PLAG1: variants seen among roughly 807,000 people sequenced by gnomAD.
PLAG1 encodes zinc finger protein PLAG1.
In PLAG1, 7 loss-of-function variants were observed where a neutral mutation model predicts 35.5. The ratio of observed to expected loss-of-function variants is 0.20; its 90% CI spans 0.11 to 0.37. The LOEUF (loss-of-function observed/expected upper bound fraction) is 0.37, where lower values mean the gene tolerates loss of function less well. PLAG1 is among the 10% of genes least tolerant of loss of function. The probability of loss-of-function intolerance (pLI) is 1.00; values close to 1 mark genes in which losing one functional copy is unlikely to be tolerated. For missense variants in PLAG1, 454 were observed against 602.8 expected, an observed-to-expected ratio of 0.75 and a Z score of 2.58; for synonymous variants, 229 against 225.4, an observed-to-expected ratio of 1.02 and a Z score of -0.14.
rs769829087 is a variant in PLAG1, at chr8:56,166,368, T to C, written c.1378A>G (p.Thr460Ala). 6.2e-7 allele frequency: 1 copy of C among 1,613,908 alleles called. No homozygotes were observed. The highest frequency in any genetic ancestry group is 1.7e-5 in the Admixed American group (1 of 60,012). ...HSSVSQLPPQTQDLQDPANTI... is the reference protein window; with the variant it reads ...HSSVSQLPPQAQDLQDPANTI... ...TTTGCAGGATCCTGAAGATCCTGTG[T>C]TTGTGGGGGGAGCTGGGAAACAGAA... Residue 460 changes from threonine to alanine, a missense_variant, in exon 5 of 5, where the codon ACA becomes GCA. Coordinates refer to ENST00000316981, the MANE Select transcript of PLAG1 (RefSeq NM_002655.3).
At position 56,165,011 on chromosome 8, in the gene PLAG1, G is replaced by C. The variant is rs1439202878; in HGVS notation, c.*1232C>G. ...AATTCTCCATCCAAAATATTGCAAGGAAAGATGGATTCACATTGAATCAGA... is the reference window on the plus strand; with the variant it reads ...AATTCTCCATCCAAAATATTGCAAGCAAAGATGGATTCACATTGAATCAGA... On this transcript the variant is annotated 3_prime_UTR_variant, in exon 5 of 5. Transcript: ENST00000316981. The C allele has an allele frequency of 4.8e-6, 1 of 206,928 alleles. No individual in the cohort carries two copies. The highest frequency in any genetic ancestry group is 9.9e-6 in the Non-Finnish European group (1 of 101,448). The allele number at this position is 206,928 out of a possible 1,614,324, so 12.8% of individuals were successfully genotyped here.
chr8:56,197,101 G>A (rs918737834), intron 1 of PLAG1, among the ~76,000 whole-genome samples: 5 of 151,714 alleles, frequency 3.3e-5, no homozygotes, highest in Admixed American at 6.6e-5. Context: ...TCTCTTCCTC[G>A]CTGGGGGTCT....
chr8:56,167,525 A>C lies in PLAG1; in HGVS notation c.243-22T>G, dbSNP rs369835388. On this transcript the variant is annotated intron_variant, in intron 4 of 4. Transcript: ENST00000316981. The surrounding 1 kb of genome is among the most constrained non-coding windows in gnomAD (Gnocchi z 5.9). ...GTGCCTTTAAACACAGATATAATCT[A>C]TAAGTAGTTATTATGACAAAAATGG... is the stretch of plus-strand genomic sequence containing the variant. 1.3e-6 allele frequency: 2 copies of C among 1,498,160 alleles called. No individual in the cohort carries two copies. The highest frequency in any genetic ancestry group is 1.8e-6 in the Non-Finnish European group (2 of 1,094,724). The allele number at this position is 1,498,160 out of a possible 1,614,324, so 92.8% of individuals were successfully genotyped here.
chr8:56,174,209 T>C (rs935776545), intron 2 of PLAG1, among the ~76,000 whole-genome samples: 4 of 152,148 alleles, frequency 2.6e-5, no homozygotes, highest in African/African-American at 2.4e-5. Flanking sequence ...TTTTTCCATA[T>C]AGAGTAAATA....
At chr8:56,196,040 T>C (rs546748831) in intron 1 of PLAG1, among the ~76,000 whole-genome samples, 9 of 152,062 alleles carry the variant, frequency 5.9e-5, no homozygotes, top group South Asian at 4.2e-4. Flanking sequence ...ACAGGGGAAT[T>C]TGGGGAGCAC....
rs764409723 is a variant in PLAG1, at chr8:56,168,400, T to A, written c.-117-14A>T. The A allele has an allele frequency of 4.8e-6, 6 of 1,245,754 alleles. 1 individual carries two copies. The highest frequency in any genetic ancestry group is 2.6e-5 in the East Asian group (1 of 37,754). 77.2% of individuals were successfully genotyped at this position (1,245,754 alleles called of 1,614,324 possible). A position where few individuals can be genotyped will look rare whatever the true frequency, so the allele number is the denominator to read the frequency against. On this transcript the variant is annotated splice_polypyrimidine_tract_variant and intron_variant, in intron 3 of 4. Coordinates refer to ENST00000316981, the MANE Select transcript of PLAG1 (RefSeq NM_002655.3). ...AGCAAAAAGGGACTGGAAAAAAAAATAAGAAACAACTAGTTTGTAACTAAA... is the reference window on the plus strand; with the variant it reads ...AGCAAAAAGGGACTGGAAAAAAAAAAAAGAAACAACTAGTTTGTAACTAAA...
chr8:56,196,423 A>G (rs1563390894), intron 1 of PLAG1, among the ~76,000 whole-genome samples: 1 of 152,178 alleles, frequency 6.6e-6, no homozygotes, highest in Non-Finnish European at 1.5e-5. Context: ...TACTTCCAGC[A>G]TTTTAATTAG....
At position 56,166,815 on chromosome 8, in the gene PLAG1, A is replaced by G. The variant is rs372344562; in HGVS notation, c.931T>C (p.Leu311=). Residue 311 remains leucine, a synonymous_variant, in exon 5 of 5, where the codon TTA becomes CTA. Coordinates refer to ENST00000316981, the MANE Select transcript of PLAG1 (RefSeq NM_002655.3). ...ATTGGGCATGTCATTCCCAAAGGTA[A>G]AGTTGTGATCATTTGGTGGGCAGAT... ...SGSAHQMITT[L]PLGMTCPIDM... 148 of 1,613,910 alleles carry G rather than the reference A, an allele frequency of 9.2e-5. No homozygotes were observed. Among genetic ancestry groups the G allele is most frequent in the Admixed American group, 9.2e-4 (55 of 59,998 alleles).
At chr8:56,201,022 A>G (rs1225705784) in intron 1 of PLAG1, among the ~76,000 whole-genome samples, 2 of 152,178 alleles carry the variant, frequency 1.3e-5, no homozygotes, top group South Asian at 4.1e-4. Context: ...TTATGTGTTT[A>G]TTATAGGGGA....
At chr8:56,187,281 A>T (rs1812048486) in intron 1 of PLAG1, among the ~76,000 whole-genome samples, 1 of 152,214 alleles carries the variant, frequency 6.6e-6, no homozygotes, top group African/African-American at 2.4e-5. Context: ...TAGTTCTGGA[A>T]ATCACCTTTG....
rs1372896054 is a variant in PLAG1 at position 56,160,912 on chromosome 8, A to G, written c.*5331T>C. On this transcript the variant is annotated 3_prime_UTR_variant, in exon 5 of 5. Coordinates refer to ENST00000316981, the MANE Select transcript of PLAG1 (RefSeq NM_002655.3). ...TTTCAGGAAGATCTACATTATCTAAAGCCATTCTATAATTTTATTCATATA... is the reference window on the plus strand; with the variant it reads ...TTTCAGGAAGATCTACATTATCTAAGGCCATTCTATAATTTTATTCATATA... 2.3e-5 allele frequency: 4 copies of G among 175,108 alleles called. No individual in the cohort carries two copies. The highest frequency in any genetic ancestry group is 3.7e-5 in the Non-Finnish European group (3 of 81,158). The allele number at this position is 175,108 out of a possible 1,614,324, so 10.8% of individuals were successfully genotyped here.
At chr8:56,184,955 A>T (rs113397962) in intron 1 of PLAG1, among the ~76,000 whole-genome samples, 1 of 152,130 alleles carries the variant, frequency 6.6e-6, no homozygotes, top group African/African-American at 2.4e-5. Flanking sequence ...TCAGAAAAAC[A>T]AAAACAAAAA....
At chr8:56,190,347 A>G (rs1016154274) in intron 1 of PLAG1, among the ~76,000 whole-genome samples, 20 of 152,170 alleles carry the variant, frequency 1.3e-4, no homozygotes, top group African/African-American at 4.6e-4. Context: ...GGTCGAAGGT[A>G]TGCCACTGAG....
chr8:56,194,660 T>C (rs1812304556), intron 1 of PLAG1, among the ~76,000 whole-genome samples: 1 of 151,934 alleles, frequency 6.6e-6, no homozygotes. Context: ...TGTGTGTATG[T>C]GGGTGCAGCA....
At chr8:56,198,109 C>T (rs571570950) in intron 1 of PLAG1, among the ~76,000 whole-genome samples, 1 of 152,226 alleles carries the variant, frequency 6.6e-6, no homozygotes, top group Admixed American at 6.5e-5. Context: ...CCTCTAGCTT[C>T]CCTTCACCAC....
At chr8:56,191,882 A>T (rs1024786811) in intron 1 of PLAG1, among the ~76,000 whole-genome samples, 1 of 152,002 alleles carries the variant, frequency 6.6e-6, no homozygotes, top group African/African-American at 2.4e-5. Flanking sequence ...AAATCTACAC[A>T]TATCAAGCAT....
chr8:56,190,168 T>C (rs1283737872), intron 1 of PLAG1, among the ~76,000 whole-genome samples: 2 of 152,154 alleles, frequency 1.3e-5, no homozygotes, highest in Non-Finnish European at 2.9e-5. Flanking sequence ...TGATACTGCA[T>C]GTAAGGCACA....
At chr8:56,178,694 TG>T (rs1393161494) in intron 2 of PLAG1, among the ~76,000 whole-genome samples, 1 of 152,010 alleles carries the variant, frequency 6.6e-6, no homozygotes, top group Non-Finnish European at 1.5e-5. Flanking sequence ...CAGCCACCAT[TG>T]TTTTTTTTTC....
chr8:56,168,507 T>C (rs780042191), intron 3 of PLAG1, 121 bp from the exon 4 acceptor site: 4 of 355,676 alleles, frequency 1.1e-5, no homozygotes, highest in African/African-American at 2.1e-5. Flanking sequence ...GCTGGTCTAA[T>C]GTAATATCAT....
Sources: gnomAD v4.1 joint callset for allele counts (sites outside exome capture counted in the v4.1 genomes callset) on GRCh38, gnomAD v4.1.1 for gene constraint, Gnocchi (gnomAD v3.1) non-coding constraint, MANE v1.5 for transcripts, NCBI Gene and HGNC (gene_info 2026-07-23, HGNC 2026-07-21) for gene names.